KCNMA1: variants seen among roughly 807,000 people sequenced by gnomAD.
The protein encoded by KCNMA1 is potassium calcium-activated channel subfamily M alpha 1.
Under a neutral mutation model 140.0 loss-of-function variants are expected in KCNMA1, and 29 were observed. The observed-to-expected ratio is 0.21, with a 90% CI of 0.15 to 0.28. The LOEUF is 0.28. Ranked by LOEUF, KCNMA1 falls within the 10% of genes least tolerant of loss-of-function variation. The probability of loss-of-function intolerance (pLI) is 1.00; values close to 1 mark genes in which losing one functional copy is unlikely to be tolerated. For synonymous variants in KCNMA1, 612 were observed against 611.9 expected, an observed-to-expected ratio of 1.00 and a Z score of 0.00; for missense variants, 880 against 1,602.2, an observed-to-expected ratio of 0.55 and a Z score of 7.70.
rs1407652513 is a variant in KCNMA1, at chr10:77,027,833, G to A, written c.1918C>T (p.Arg640Ter). 1 of 1,613,874 alleles carries A rather than the reference G, an allele frequency of 6.2e-7. No homozygotes were observed. The highest frequency in any genetic ancestry group is 8.5e-7 in the Non-Finnish European group (1 of 1,179,872). ...TCACCGCAAACTTACCGGCTCTCTC[G>A]GTTGGCAGACTTGTACTCAATGGCT... ...MIAIEYKSANRESRILINPGN... is the reference protein window; with the variant it reads ...MIAIEYKSAN Residue 640 changes from arginine to a stop codon, truncating the protein, a stop_gained, in exon 16 of 28, where the codon CGA becomes TGA. Transcript: ENST00000286628. LOFTEE classifies it high-confidence loss of function.
intron 1 of KCNMA1, among the ~76,000 whole-genome samples, chr10:77,431,948 G>A (rs1214580251): frequency 6.6e-6 from 1 of 151,900 alleles, no homozygotes; most frequent in Non-Finnish European, 1.5e-5. Context: ...AGCCAAGATC[G>A]TGCCACTGCA....
At chr10:77,546,348 G>C in intron 1 of KCNMA1, among the ~76,000 whole-genome samples, 1 of 145,442 alleles carries the variant, frequency 6.9e-6, no homozygotes, top group Admixed American at 6.9e-5. Context: ...GGGCCCTCCA[G>C]CCCCACCGAG....
intron 23 of KCNMA1, among the ~76,000 whole-genome samples, chr10:76,928,732 C>T (rs1590994586): frequency 1.3e-5 from 2 of 152,162 alleles, no homozygotes; most frequent in East Asian, 3.8e-4. Flanking sequence ...ATAACACTCT[C>T]TGCCCATTTG....
intron 1 of KCNMA1, among the ~76,000 whole-genome samples, chr10:77,483,661 G>A (rs539262890): frequency 6.6e-6 from 1 of 152,156 alleles, no homozygotes; most frequent in Non-Finnish European, 1.5e-5. Context: ...GTATGGCCAC[G>A]GGACACTGGA....
intron 1 of KCNMA1, among the ~76,000 whole-genome samples, chr10:77,447,417 T>G (rs1429546969): frequency 6.6e-6 from 1 of 152,246 alleles, no homozygotes; most frequent in East Asian, 1.9e-4. Flanking sequence ...TGGTCATTAT[T>G]ATTATAGCCC....
At chr10:77,047,595 T>TA (rs2153613405) in intron 14 of KCNMA1, among the ~76,000 whole-genome samples, 1 of 151,974 alleles carries the variant, frequency 6.6e-6, no homozygotes, top group South Asian at 2.1e-4. Flanking sequence ...GGTCTTTTTT[T>TA]TTTTTTTTTT....
At chr10:76,995,807 T>C in intron 19 of KCNMA1, 1 of 402,526 alleles carries the variant, frequency 2.5e-6, no homozygotes, top group South Asian at 1.8e-5. Flanking sequence ...TTCTAGTTTG[T>C]CCTTAAAGAG....
rs1304424432 is a variant in KCNMA1 at position 76,886,980 on chromosome 10, C to T, written c.*286G>A. The T allele has an allele frequency of 7.2e-6, 9 of 1,256,398 alleles. No homozygotes were observed. Among genetic ancestry groups the T allele is most frequent in the Admixed American group, 3.4e-5 (1 of 29,738 alleles). 77.8% of individuals were successfully genotyped at this position (1,256,398 alleles called of 1,614,324 possible). On this transcript the variant is annotated 3_prime_UTR_variant, in exon 28 of 28. Coordinates refer to ENST00000286628, the MANE Select transcript of KCNMA1 (RefSeq NM_001161352.2). Reference sequence around the variant, plus strand: ...AGTGCTCCCTTCTAATCTGTGAACTCGTTCCTGCAGTGAGCTATTTATGTC... The same window carrying T: ...AGTGCTCCCTTCTAATCTGTGAACTTGTTCCTGCAGTGAGCTATTTATGTC...
intron 24 of KCNMA1, chr10:76,911,481 A>G (rs1168005924): frequency 1.3e-5 from 2 of 152,224 alleles, no homozygotes; most frequent in East Asian, 3.8e-4. Context: ...CCTTGGGCAA[A>G]GCATTTCATC....
At chr10:76,920,014 GTGTGTGTA>G (rs1323786170) in intron 23 of KCNMA1, among the ~76,000 whole-genome samples, 7 of 44,522 alleles carry the variant, frequency 1.6e-4, no homozygotes, top group African/African-American at 3.9e-4. Flanking sequence ...GTGTGTGTGT[GTGTGTGTA>G]TATATATATA....
At chr10:77,380,712 C>T (rs1355363422) in intron 2 of KCNMA1, among the ~76,000 whole-genome samples, 1 of 152,170 alleles carries the variant, frequency 6.6e-6, no homozygotes, top group Non-Finnish European at 1.5e-5. Context: ...AATGATCACG[C>T]CTGACTTCTC....
At chr10:76,929,480 T>C (rs1257971331) in intron 23 of KCNMA1, among the ~76,000 whole-genome samples, 1 of 152,226 alleles carries the variant, frequency 6.6e-6, no homozygotes, top group African/African-American at 2.4e-5. Flanking sequence ...GTATCTTGCA[T>C]TTTCACAATG....
At chr10:77,295,804 A>AC (rs2074887928) in intron 2 of KCNMA1, among the ~76,000 whole-genome samples, 3 of 132,558 alleles carry the variant, frequency 2.3e-5, no homozygotes, top group Admixed American at 7.8e-5. Flanking sequence ...AAAAAAAAAA[A>AC]AAAAAAAAAA....
intron 1 of KCNMA1, among the ~76,000 whole-genome samples, chr10:77,618,379 T>G (rs1379380316): frequency 6.6e-6 from 1 of 152,180 alleles, no homozygotes; most frequent in Non-Finnish European, 1.5e-5. Flanking sequence ...GCCTCAATGA[T>G]TCCATCGCCA....
At position 77,261,779 on chromosome 10, in the gene KCNMA1, T is replaced by C. The variant is rs528113892; in HGVS notation, c.541-10523A>G. On this transcript the variant is annotated intron_variant, in intron 2 of 27. Coordinates refer to ENST00000286628, the MANE Select transcript of KCNMA1 (RefSeq NM_001161352.2). ...CTGGCAAGCATGATAAAATCTTCCA[T>C]TTGAGGTCTAAAGTTGGAAGACCTT... Among the ~76,000 whole-genome samples the C allele has an allele frequency of 2.6e-5, 4 of 152,282 alleles. No homozygotes were observed. The East Asian group carries it at 7.7e-4, about 29-fold the overall frequency.
At chr10:76,942,835 T>C (rs1397968859) in intron 23 of KCNMA1, among the ~76,000 whole-genome samples, 1 of 152,166 alleles carries the variant, frequency 6.6e-6, no homozygotes, top group Non-Finnish European at 1.5e-5. Flanking sequence ...CTTTCACTGT[T>C]TTCCTTTCCC....
intron 1 of KCNMA1, among the ~76,000 whole-genome samples, chr10:77,562,844 G>T (rs1438798779): frequency 6.6e-6 from 1 of 152,192 alleles, no homozygotes; most frequent in Non-Finnish European, 1.5e-5. Context: ...CAGGAGGATG[G>T]AAGAAGTCTT....
At chr10:77,042,021 G>A (rs1233579749) in intron 14 of KCNMA1, among the ~76,000 whole-genome samples, 1 of 152,150 alleles carries the variant, frequency 6.6e-6, no homozygotes, top group Admixed American at 6.5e-5. Context: ...CTCTTTGTCT[G>A]CTTTTAGCTC....
At chr10:76,902,668 G>A (rs1590019656) in intron 25 of KCNMA1, 1 of 152,174 alleles carries the variant, frequency 6.6e-6, no homozygotes, top group Non-Finnish European at 1.5e-5. Context: ...GTGGCCCCCT[G>A]GTTATGAGTA....
Sources: allele counts gnomAD v4.1 joint callset (sites outside exome capture counted in the v4.1 genomes callset), GRCh38; gene constraint gnomAD v4.1.1; transcripts MANE v1.5; gene names NCBI Gene and HGNC (gene_info 2026-07-23, HGNC 2026-07-21).